REXO1: variants seen among roughly 807,000 people sequenced by gnomAD.
REXO1 encodes the protein RNA exonuclease 1 homolog.
A neutral mutation model predicts 102.6 loss-of-function variants in REXO1; 42 were observed. The observed-to-expected ratio is 0.41, with a 90% CI of 0.32 to 0.53. The LOEUF (loss-of-function observed/expected upper bound fraction) is 0.53. Ranked by LOEUF, REXO1 falls within the 20% of genes least tolerant of loss-of-function variation. The pLI, the probability that REXO1 is intolerant of heterozygous loss-of-function variation, is 0.27. For missense variants in REXO1, 1,819 were observed against 1,732.5 expected (o/e 1.05, Z -0.89); for synonymous variants, 908 against 779.1 (o/e 1.17, Z -2.76).
At chr19:1,823,202 C>G (rs1464631022) in intron 4 of REXO1, 1 of 248,380 alleles carries the variant, frequency 4.0e-6, no homozygotes, top group East Asian at 7.3e-5. Context: ...ACGCCCCCCA[C>G]TCACACGCCA....
rs1223798108 is a variant in REXO1 at position 1,817,269 on chromosome 19, C to G, written c.3151G>C (p.Glu1051Gln). 5.0e-6 allele frequency: 8 copies of G among 1,613,232 alleles called. No homozygotes were observed. The highest frequency in any genetic ancestry group is 6.8e-6 in the Non-Finnish European group (8 of 1,180,012). Residue 1051 changes from glutamate (E) to glutamine (Q), a missense_variant, in exon 12 of 16, where the codon GAG (glutamate) becomes CAG (glutamine). By Grantham distance (29) the Glu-to-Gln change is conservative (BLOSUM62 2). Coordinates refer to ENST00000170168, the MANE Select transcript of REXO1 (RefSeq NM_020695.4). ...CCCGGGTGGGTGTCTCCTGAGAGCT[C>G]TTTCTCAAAGGTCTTCACGAAGCCC... ...LEGFVKTFEK[E>Q]LSGDTHPGIY...
intron 5 of REXO1, 31 bp downstream of exon 5, chr19:1,821,487 GT>G (rs1270695089): frequency 1.2e-6 from 2 of 1,612,672 alleles, no homozygotes; most frequent in African/African-American, 1.3e-5. Context: ...GGTCTTGGGG[GT>G]GGTGGTCCTG....
rs4807145 is a variant in REXO1, at chr19:1,821,638, A to G, written c.2275T>C (p.Ser759Pro). 1,204,061 of 1,613,102 alleles carry G rather than the reference A, an allele frequency of 0.75. 450,396 individuals are homozygous for G. The highest frequency in any genetic ancestry group is 0.8 in the Middle Eastern group (4,834 of 6,058). Residue 759 changes from serine (S) to proline (P), a missense_variant, in exon 5 of 16, where the codon TCC becomes CCC. Ser to Pro is a moderately conservative substitution (Grantham distance 74). Transcript: ENST00000170168. Reference protein sequence around the residue: ...KRTLAASGSQSSNGPEPGGQQ... With the variant: ...KRTLAASGSQPSNGPEPGGQQ... ...CCACCTGGCTCAGGGCCGTTGGAGG[A>G]CTGGCTGCCGCTGGCCGCAAGGGTC... is the stretch of plus-strand genomic sequence containing the variant.
rs1388082903 is a variant in REXO1 at position 1,819,115 on chromosome 19, C to T, written c.2667G>A (p.Arg889=). 2 of 1,577,970 alleles carry T rather than the reference C, an allele frequency of 1.3e-6. No individual in the cohort carries two copies. The highest frequency in any genetic ancestry group is 1.1e-5 in the South Asian group (1 of 87,374). ...VPGLSKTSGR[R]VVSHEVVLGG... ...CCAACACCACCTCGTGGGACACAACCCTGCGGCCACTGGTTTCTGGAAGGA... is the reference window on the plus strand; with the variant it reads ...CCAACACCACCTCGTGGGACACAACTCTGCGGCCACTGGTTTCTGGAAGGA... Residue 889 remains arginine (R), a synonymous_variant, in exon 8 of 16, where the codon AGG becomes AGA. Coordinates refer to ENST00000170168, the MANE Select transcript of REXO1 (RefSeq NM_020695.4).
At chr19:1,837,087 AGCG>A (rs992074926) in intron 1 of REXO1, among the ~76,000 whole-genome samples, 1 of 152,248 alleles carries the variant, frequency 6.6e-6, no homozygotes, top group African/African-American at 2.4e-5. Context: ...AAACAGCCAC[AGCG>A]GCAGAGAAGG....
chr19:1,820,437 A>G, intron 5 of REXO1, 42 bp from the exon 6 acceptor site: 1 of 1,606,622 alleles, frequency 6.2e-7, no homozygotes, highest in Non-Finnish European at 8.5e-7. Flanking sequence ...GGGCCTCCAC[A>G]AGGCCTCCAG....
At chr19:1,820,099 G>A (rs1345598923) in intron 6 of REXO1, 42 bp from the exon 7 acceptor site, 5 of 1,582,784 alleles carry the variant, frequency 3.2e-6, no homozygotes, top group Non-Finnish European at 4.3e-6. Context: ...TGCCTGCCTG[G>A]TGCCGGGGAG....
In REXO1 at chr19:1,818,596, C is replaced by G; in HGVS notation, c.2903-1G>C. 1 of 1,609,598 alleles carries G rather than the reference C, an allele frequency of 6.2e-7. No individual in the cohort carries two copies. The highest frequency in any genetic ancestry group is 8.5e-7 in the Non-Finnish European group (1 of 1,178,790). On this transcript the variant is annotated splice_acceptor_variant, in intron 9 of 15. Coordinates refer to ENST00000170168, the MANE Select transcript of REXO1 (RefSeq NM_020695.4). LOFTEE classifies it high-confidence loss of function. The stretch of plus-strand genomic sequence containing the variant: ...CAGCGGCAGCAGGTCCTGCAGGAAG[C>G]TGTGGGTGGGGACCCAGGTGGAAGC...
rs2069791722 is a variant in REXO1, at chr19:1,828,015, C to T, written c.774G>A (p.Arg258=). ...ASSRDERAAK[R]PRGSRGSEPY... ...GCTCACTGCCGCGGGAGCCCCGGGG[C>T]CGCTTGGCGGCCCGCTCATCCCGGG... The change falls in exon 2 of 16, where the codon CGG becomes CGA. Residue 258 remains arginine (R), a synonymous_variant. Coordinates refer to ENST00000170168, the MANE Select transcript of REXO1 (RefSeq NM_020695.4). 6.2e-7 allele frequency: 1 copy of T among 1,612,640 alleles called. No homozygotes were observed. The highest frequency in any genetic ancestry group is 1.3e-5 in the African/African-American group (1 of 75,012).
chr19:1,817,637 C>G, intron 11 of REXO1, 70 bp downstream of exon 11: 1 of 1,519,740 alleles, frequency 6.6e-7, no homozygotes. Context: ...GTCCCGAGAC[C>G]CCACACCAAC....
chr19:1,832,914 CAAA>C (rs71174388), intron 1 of REXO1, among the ~76,000 whole-genome samples: 26 of 75,870 alleles, frequency 3.4e-4, no homozygotes, highest in African/African-American at 1.1e-3. Context: ...GACTCTGTCT[CAAA>C]AAAAAAAAAA....
intron 11 of REXO1, 148 bp from the exon 12 acceptor site, chr19:1,817,477 AG>A (rs779456001): frequency 1.0e-5 from 15 of 1,475,650 alleles, no homozygotes; most frequent in Non-Finnish European, 1.3e-5. Context: ...CAGGTGGGGA[AG>A]GGGGCTTGCC....
chr19:1,834,750 G>T (rs571497321), intron 1 of REXO1, among the ~76,000 whole-genome samples: 1 of 152,322 alleles, frequency 6.6e-6, no homozygotes, highest in East Asian at 1.9e-4. Flanking sequence ...AAGAGCAGGG[G>T]CACCTGGAGG....
At chr19:1,831,069 C>T (rs947494643) in intron 1 of REXO1, among the ~76,000 whole-genome samples, 11 of 152,184 alleles carry the variant, frequency 7.2e-5, no homozygotes, top group South Asian at 2.1e-4. Flanking sequence ...CCAACAAAGG[C>T]GCACGGGCCC....
intron 1 of REXO1, among the ~76,000 whole-genome samples, chr19:1,831,310 A>G (rs754333223): frequency 1.3e-5 from 2 of 152,242 alleles, no homozygotes; most frequent in Non-Finnish European, 2.9e-5. Flanking sequence ...GCTTGTCTGA[A>G]GGTCGGGCCT....
In REXO1 at chr19:1,828,548, GC is replaced by G. The variant is rs1255487551; in HGVS notation, c.240del (p.Glu80AspfsTer80). The G allele has an allele frequency of 1.9e-6, 3 of 1,604,236 alleles. No individual in the cohort carries two copies. The highest frequency in any genetic ancestry group is 1.7e-6 in the Non-Finnish European group (2 of 1,179,856). On this transcript the variant is annotated frameshift_variant, in exon 2 of 16. Coordinates refer to ENST00000170168, the MANE Select transcript of REXO1 (RefSeq NM_020695.4). LOFTEE classifies it high-confidence loss of function. ...TCCAACTCCAGCACATCCGGGCGCG[GC>G]TCCTCCCCCAGGCCCAGGGTGCCAT... ...RENGTLGLGE[E>X]PRPDVLELEL...
Position 1,819,022 on chromosome 19 carries a change from C to G in REXO1, c.2760G>C (p.Leu920=). The change falls in exon 8 of 16, where the codon CTG becomes CTC. Residue 920 remains leucine, a synonymous_variant. Transcript: ENST00000170168. ...AGAGCAGGGGCAGGGCCTTACCTTT[C>G]AGGTCCTCCACCCGGGGGCTGCTTG... ...SRPSSPRVED[L]KGAALYSRLR... 3 of 1,600,180 alleles carry G rather than the reference C, an allele frequency of 1.9e-6. No homozygotes were observed. Among genetic ancestry groups the G allele is most frequent in the Non-Finnish European group, 2.6e-6 (3 of 1,172,916 alleles).
intron 1 of REXO1, among the ~76,000 whole-genome samples, chr19:1,845,405 T>C (rs1197771249): frequency 6.6e-6 from 1 of 152,198 alleles, no homozygotes; most frequent in African/African-American, 2.4e-5. Flanking sequence ...GCTTCACGCC[T>C]GTCATCCCAG....
chr19:1,844,264 A>G (rs1039127801), intron 1 of REXO1, among the ~76,000 whole-genome samples: 4 of 152,208 alleles, frequency 2.6e-5, no homozygotes, highest in African/African-American at 9.6e-5. Flanking sequence ...GCTGGGCCTC[A>G]GTTTCCTCAT....
Sources: gnomAD v4.1 joint callset for allele counts (sites outside exome capture counted in the v4.1 genomes callset) on GRCh38, gnomAD v4.1.1 for gene constraint, MANE v1.5 for transcripts, NCBI Gene and HGNC (gene_info 2026-07-23, HGNC 2026-07-21) for gene names.